Variants in MYO9A observed in about 807,000 individuals in gnomAD.
MYO9A encodes the protein myosin IXA.
MYO9A carries 103 observed loss-of-function variants against 293.3 expected under a neutral mutation model. The ratio of observed to expected loss-of-function variants is 0.35; its 90% CI spans 0.30 to 0.41. The LOEUF (loss-of-function observed/expected upper bound fraction) is 0.41, where lower values mean the gene tolerates loss of function less well. MYO9A is among the 10% of genes least tolerant of loss of function. The pLI, the probability that MYO9A is intolerant of heterozygous loss-of-function variation, is 1.00. For synonymous variants in MYO9A, 1,001 were observed against 1,035.7 expected, an observed-to-expected ratio of 0.97 and a Z score of 0.64; for missense variants, 2,685 against 3,033.0, an observed-to-expected ratio of 0.89 and a Z score of 2.69.
intron 2 of MYO9A, among the ~76,000 whole-genome samples, chr15:72,034,735 C>T (rs74941690): frequency 5.4e-4 from 83 of 152,306 alleles, no homozygotes; most frequent in African/African-American, 2.0e-3. Flanking sequence ...AAATGCATTA[C>T]ATTTTGAAAA....
intron 35 of MYO9A, among the ~76,000 whole-genome samples, chr15:71,852,583 G>T (rs1193799717): frequency 6.6e-6 from 1 of 152,034 alleles, no homozygotes; most frequent in Admixed American, 6.6e-5. Context: ...GGCTGGTCTC[G>T]AACTCCCAAC....
At chr15:72,106,377 A>C (rs2080569703) in intron 1 of MYO9A, among the ~76,000 whole-genome samples, 1 of 152,190 alleles carries the variant, frequency 6.6e-6, no homozygotes, top group Non-Finnish European at 1.5e-5. Context: ...CTATAGTATT[A>C]GCTACTCAGA....
At chr15:71,962,542 T>C (rs983581326) in intron 13 of MYO9A, among the ~76,000 whole-genome samples, 2 of 152,192 alleles carry the variant, frequency 1.3e-5, no homozygotes, top group Non-Finnish European at 2.9e-5. Flanking sequence ...CAAATCCAAA[T>C]AACCTCTGAC....
chr15:71,979,707 C>G (rs1005963643), intron 11 of MYO9A, among the ~76,000 whole-genome samples: 1 of 152,130 alleles, frequency 6.6e-6, no homozygotes, highest in Non-Finnish European at 1.5e-5. Context: ...AGACATATGG[C>G]CCAAAAAGCC....
intron 1 of MYO9A, among the ~76,000 whole-genome samples, chr15:72,054,377 G>A (rs1179884551): frequency 6.6e-6 from 1 of 152,178 alleles, no homozygotes; most frequent in Non-Finnish European, 1.5e-5. Context: ...CTGCTACAAA[G>A]AAAGCAGGAG....
chr15:71,845,044 G>A (rs2055323289), intron 39 of MYO9A, among the ~76,000 whole-genome samples: 1 of 152,144 alleles, frequency 6.6e-6, no homozygotes, highest in Non-Finnish European at 1.5e-5. Flanking sequence ...CTCAAAAATA[G>A]CACTTCAGGG....
At chr15:72,096,811 G>C (rs183420960) in intron 1 of MYO9A, among the ~76,000 whole-genome samples, 7 of 152,350 alleles carry the variant, frequency 4.6e-5, no homozygotes, top group African/African-American at 1.7e-4. Context: ...GAGTTTGGAA[G>C]AGGTTGTTCC....
chr15:71,968,132 TAA>T lies in MYO9A; in HGVS notation c.1845-9_1845-8del. 7 of 1,407,618 alleles carry T rather than the reference TAA, an allele frequency of 5.0e-6. No homozygotes were observed. The highest frequency in any genetic ancestry group is 2.6e-5 in the East Asian group (1 of 38,974). The allele number at this position is 1,407,618 out of a possible 1,614,324, so 87.2% of individuals were successfully genotyped here. On this transcript the variant is annotated splice_polypyrimidine_tract_variant and splice_region_variant and intron_variant, in intron 12 of 41. Transcript: ENST00000356056. ...ATTTGTAGCCTGTGGAAAGCTGAAT[TAA>T]AAAAAAAAGAAAAAATATCATTACA...
chr15:71,859,670 A>G, intron 34 of MYO9A, 65 bp downstream of exon 34: 2 of 1,359,382 alleles, frequency 1.5e-6, no homozygotes, highest in Admixed American at 3.7e-5. Context: ...GCCTTAATTT[A>G]TTTCCATAAG....
At chr15:72,087,072 G>A (rs2079761305) in intron 1 of MYO9A, among the ~76,000 whole-genome samples, 1 of 152,160 alleles carries the variant, frequency 6.6e-6, no homozygotes, top group African/African-American at 2.4e-5. Context: ...GCCCACAGGA[G>A]CTATTCTACT....
chr15:72,028,218 A>ATATATATATATATATAT (rs1555408278), intron 3 of MYO9A, among the ~76,000 whole-genome samples: 217 of 134,140 alleles, frequency 1.6e-3, no homozygotes, highest in Middle Eastern at 3.8e-3. Flanking sequence ...TAAATAAATA[A>ATATATATATATATATAT]ATATATATAT....
chr15:71,840,920 C>T (rs1404549674), intron 39 of MYO9A, among the ~76,000 whole-genome samples: 1 of 152,222 alleles, frequency 6.6e-6, no homozygotes, highest in Non-Finnish European at 1.5e-5. Context: ...CGTGAGCCGC[C>T]GTGCCCAGCC....
rs1300465390 is a variant in MYO9A, at chr15:72,041,633, TA to T, written c.840+4090del. ...TGGAAGCCCCAGCATCTCCAGTAGT[TA>T]AATCAATTTCGTACACCATGGTGAG... On this transcript the variant is annotated intron_variant, in intron 2 of 41. Coordinates refer to ENST00000356056, the MANE Select transcript of MYO9A (RefSeq NM_006901.4). The T allele has an allele frequency of 2.9e-5, 7 of 243,706 alleles. No individual in the cohort carries two copies. The East Asian group carries it at 7.4e-4, about 26-fold the overall frequency. The allele number at this position is 243,706 out of a possible 1,614,324, so 15.1% of individuals were successfully genotyped here.
Position 71,938,700 on chromosome 15 carries a change from A to T in MYO9A, c.2378+152T>A, listed in dbSNP as rs530636068. The T allele has an allele frequency of 1.8e-4, 95 of 534,742 alleles. 2 individuals are homozygous for T. The South Asian group carries it at 4.0e-3, about 23-fold the overall frequency. 33.1% of individuals were successfully genotyped at this position (534,742 alleles called of 1,614,324 possible). A position where few individuals can be genotyped will look rare whatever the true frequency, so the allele number is the denominator to read the frequency against. ...CAAATCTTGTTAACTTTAACCTATT[A>T]ATGTGTTATTACATCACTTATAAAG... On this transcript the variant is annotated intron_variant, in intron 16 of 41. Coordinates refer to ENST00000356056, the MANE Select transcript of MYO9A (RefSeq NM_006901.4).
chr15:71,846,136 A>G (rs530045069), intron 39 of MYO9A, among the ~76,000 whole-genome samples: 2 of 152,324 alleles, frequency 1.3e-5, no homozygotes, highest in South Asian at 2.1e-4. Context: ...AGATGTAACC[A>G]TATCTTGCAA....
At chr15:72,077,752 AATATATAT>A (rs60977581) in intron 1 of MYO9A, among the ~76,000 whole-genome samples, 1,722 of 72,352 alleles carry the variant, frequency 0.024, 32 homozygotes, top group African/African-American at 0.031. Flanking sequence ...AAAAAAAAAA[AATATATAT>A]ATATATATAT....
chr15:71,850,816 G>A (rs1195324403), intron 37 of MYO9A, among the ~76,000 whole-genome samples: 6 of 125,618 alleles, frequency 4.8e-5, no homozygotes, highest in Admixed American at 1.6e-4. Context: ...GCAGAGTAGA[G>A]GCTTTAACCA....
chr15:71,924,472 G>T (rs2058239293), intron 18 of MYO9A, among the ~76,000 whole-genome samples: 1 of 152,062 alleles, frequency 6.6e-6, no homozygotes, highest in Non-Finnish European at 1.5e-5. Context: ...TCAATCTCCT[G>T]ATCTCGTGAC....
chr15:71,870,029 T>C (rs2056458624), intron 32 of MYO9A, among the ~76,000 whole-genome samples: 1 of 152,194 alleles, frequency 6.6e-6, no homozygotes, highest in East Asian at 1.9e-4. Context: ...CATCTATAAA[T>C]GGCTGCATAA....
Sources: gnomAD v4.1 joint callset for allele counts (sites outside exome capture counted in the v4.1 genomes callset) on GRCh38, gnomAD v4.1.1 for gene constraint, MANE v1.5 for transcripts, NCBI Gene and HGNC (gene_info 2026-07-23, HGNC 2026-07-21) for gene names.